The following CEP170B variants were observed in gnomAD, a reference collection of about 807,000 sequenced individuals.
The protein encoded by CEP170B is centrosomal protein of 170 kDa protein B.
A neutral mutation model predicts 120.6 loss-of-function variants in CEP170B; 55 were observed. The observed-to-expected ratio is 0.46, with a 90% CI of 0.37 to 0.57. The LOEUF is 0.57. Among genes scored for constraint, CEP170B ranks in the 20% least tolerant of loss-of-function variants. The probability of loss-of-function intolerance (pLI) is 0.00; values close to 1 mark genes in which losing one functional copy is unlikely to be tolerated. For synonymous variants in CEP170B, 1,033 were observed against 954.5 expected, an observed-to-expected ratio of 1.08 and a Z score of -1.52; for missense variants, 2,212 against 2,253.3, an observed-to-expected ratio of 0.98 and a Z score of 0.37.
intron 9 of CEP170B, among the ~76,000 whole-genome samples, chr14:104,885,049 C>CGG (rs565980190): frequency 1.5e-4 from 3 of 19,882 alleles, no homozygotes; most frequent in African/African-American, 7.0e-4. Context: ...TCGTGGGGAA[C>CGG]GGGGGGTGGA....
rs796943744 is a variant in CEP170B at position 104,891,023 on chromosome 14, G to GTGGA, written c.3878+1288_3878+1291dup. Among the ~76,000 whole-genome samples the GTGGA allele has an allele frequency of 1.1e-4, 13 of 118,306 alleles. No homozygotes were observed. Among genetic ancestry groups the GTGGA allele is most frequent in the Non-Finnish European group, 1.9e-4 (10 of 52,160 alleles). 77.6% of individuals were successfully genotyped at this position (118,306 alleles called of 152,430 possible). A position where few individuals can be genotyped will look rare whatever the true frequency, so the allele number is the denominator to read the frequency against. The stretch of plus-strand genomic sequence containing the variant: ...TGTGGATGGATGGATGAGTGGGTGG[G>GTGGA]TGGATGGATGGATGGATGGATGGAT... On this transcript the variant is annotated intron_variant, in intron 13 of 18. Transcript: ENST00000414716. The surrounding 1 kb of genome is among the most constrained non-coding windows in gnomAD (Gnocchi z 4.3).
At position 104,884,058 on chromosome 14, in the gene CEP170B, T is replaced by C; in HGVS notation, c.1279T>C (p.Ser427Pro). 2 of 1,608,508 alleles carry C rather than the reference T, an allele frequency of 1.2e-6. No individual in the cohort carries two copies. Among genetic ancestry groups the C allele is most frequent in the Non-Finnish European group, 1.7e-6 (2 of 1,177,728 alleles). ...CTCCCAGTCCTTCACGCACAGCCCG[T>C]CCGGGGACCCCAAGGCCGACAAGCG... The part of the protein sequence containing the change: ...KRSQSFTHSP[S>P]GDPKADKRRG... The change falls in exon 9 of 19, where the codon TCC becomes CCC. Residue 427 changes from serine to proline, a missense_variant. Physicochemically the swap from Ser to Pro is moderately conservative, Grantham distance 74. Around this residue, in one of 2 missense-constraint regions of CEP170B, gnomAD observed 2,166 missense variants for 2,166.7 expected, o/e 1.00. Coordinates refer to ENST00000414716, the MANE Select transcript of CEP170B (RefSeq NM_001112726.3).
rs534195187 is a variant in CEP170B at position 104,891,593 on chromosome 14, G to A, written c.3879-1383G>A. Reference sequence around the variant, plus strand: ...GTATTGGGGGAGCATAGGGAAGAAGGCTGCCATCAGCGGAGGAGGCTAGCA... The same window carrying A: ...GTATTGGGGGAGCATAGGGAAGAAGACTGCCATCAGCGGAGGAGGCTAGCA... On this transcript the variant is annotated intron_variant, in intron 13 of 18. Transcript: ENST00000414716. This position sits in a 1 kb window ranked among gnomAD's most constrained non-coding sequence, Gnocchi z 4.3. Among the ~76,000 whole-genome samples the A allele has an allele frequency of 6.6e-6, 1 of 152,188 alleles. No homozygotes were observed. The highest frequency in any genetic ancestry group is 1.5e-5 in the Non-Finnish European group (1 of 67,980).
intron 12 of CEP170B, among the ~76,000 whole-genome samples, chr14:104,888,442 G>C (rs1017695522): frequency 6.6e-6 from 1 of 152,232 alleles, no homozygotes; most frequent in African/African-American, 2.4e-5. Flanking sequence ...GCCCTCCGCT[G>C]GTAGCTGCTC....
chr14:104,886,238 C>T (rs1199208074), intron 11 of CEP170B, 37 bp from the exon 12 acceptor site: 3 of 1,482,604 alleles, frequency 2.0e-6, no homozygotes, highest in East Asian at 2.4e-5. Flanking sequence ...GCCTGCAGAC[C>T]AGCGGCCCTC....
At position 104,894,789 on chromosome 14, in the gene CEP170B, C is replaced by T. The variant is rs767142336; in HGVS notation, c.4496C>T (p.Pro1499Leu). 37 of 1,607,240 alleles carry T rather than the reference C, an allele frequency of 2.3e-5. No homozygotes were observed. Among genetic ancestry groups the T allele is most frequent in the African/African-American group, 5.3e-5 (4 of 74,904 alleles). The part of the protein sequence containing the change: ...GNRSLASSAQ[P>L]GLGKGRVAAQ... ...AGGAGCTTGGCCAGCTCTGCACAGC[C>T]GGGGCTGGGGAAGGGCCGCGTGGCT... The change falls in exon 19 of 19, where the codon CCG (proline) becomes CTG (leucine). Residue 1499 changes from proline (P) to leucine (L), a missense_variant. Around this residue, in one of 2 missense-constraint regions of CEP170B, gnomAD observed 2,166 missense variants for 2,166.7 expected, o/e 1.00. Coordinates refer to ENST00000414716, the MANE Select transcript of CEP170B (RefSeq NM_001112726.3).
At position 104,894,694 on chromosome 14, in the gene CEP170B, T is replaced by C; in HGVS notation, c.4418-17T>C. On this transcript the variant is annotated splice_polypyrimidine_tract_variant and intron_variant, in intron 18 of 18. Coordinates refer to ENST00000414716, the MANE Select transcript of CEP170B (RefSeq NM_001112726.3). ...GTGAACTGGATCCGCAGCCTGACCC[T>C]CCCTCCCCACCTCCAGTTATCAATG... 1 of 1,566,748 alleles carries C rather than the reference T, an allele frequency of 6.4e-7. No homozygotes were observed. The highest frequency in any genetic ancestry group is 1.8e-5 in the Admixed American group (1 of 55,466).
chr14:104,878,554 C>T, intron 5 of CEP170B, 53 bp downstream of exon 5: 3 of 1,567,938 alleles, frequency 1.9e-6, no homozygotes, highest in Non-Finnish European at 1.7e-6. Context: ...AGCCCCCCAT[C>T]CTCCCCACCA....
At position 104,893,517 on chromosome 14, in the gene CEP170B, T is replaced by C. The variant is rs1449070481; in HGVS notation, c.4039-6T>C. The C allele has an allele frequency of 6.2e-7, 1 of 1,601,272 alleles. No individual in the cohort carries two copies. Among genetic ancestry groups the C allele is most frequent in the Admixed American group, 1.7e-5 (1 of 58,818 alleles). Reference sequence around the variant, plus strand: ...GGGCCCACGGTGCCGGCCCTCCCTCTTGCAGCTGGTGCAGCGCATCCCCGA... The same window carrying C: ...GGGCCCACGGTGCCGGCCCTCCCTCCTGCAGCTGGTGCAGCGCATCCCCGA... On this transcript the variant is annotated splice_polypyrimidine_tract_variant and splice_region_variant and intron_variant, in intron 14 of 18. Transcript: ENST00000414716.
chr14:104,874,364 G>A (rs1250282679), intron 2 of CEP170B, among the ~76,000 whole-genome samples: 1 of 152,176 alleles, frequency 6.6e-6, no homozygotes, highest in Non-Finnish European at 1.5e-5. Flanking sequence ...CTGGAGGTGG[G>A]TGGTGGCTAT....
intron 2 of CEP170B, among the ~76,000 whole-genome samples, chr14:104,875,283 G>A (rs1263670948): frequency 6.6e-6 from 1 of 152,238 alleles, no homozygotes; most frequent in Non-Finnish European, 1.5e-5. Context: ...TGCTGCCTGT[G>A]GAAGCTGGCC....
In CEP170B at chr14:104,867,859, C is replaced by CAT. The variant is rs1895274256; in HGVS notation, c.-27-565_-27-564insAT. Among the ~76,000 whole-genome samples, 1 of 149,266 alleles carries CAT rather than the reference C, an allele frequency of 6.7e-6. No individual in the cohort carries two copies. Among genetic ancestry groups the CAT allele is most frequent in the African/African-American group, 2.5e-5 (1 of 40,504 alleles). The stretch of plus-strand genomic sequence containing the variant: ...CCTCCTCTCGGTGGTGGACATATTG[C>CAT]TGACTCAGGGCCCCTGTCTCCAGCT... On this transcript the variant is annotated intron_variant, in intron 1 of 18. Coordinates refer to ENST00000414716, the MANE Select transcript of CEP170B (RefSeq NM_001112726.3). This position sits in a 1 kb window ranked among gnomAD's most constrained non-coding sequence, Gnocchi z 5.4.
chr14:104,872,661 G>T (rs192632453), intron 2 of CEP170B, among the ~76,000 whole-genome samples: 160 of 152,248 alleles, frequency 1.1e-3, no homozygotes, highest in African/African-American at 3.6e-3. Context: ...AGAGACCACA[G>T]CCTGGGCAGG....
At position 104,895,148 on chromosome 14, in the gene CEP170B, C is replaced by T; in HGVS notation, c.*190C>T. 1 of 621,720 alleles carries T rather than the reference C, an allele frequency of 1.6e-6. No homozygotes were observed. The highest frequency in any genetic ancestry group is 2.7e-6 in the Non-Finnish European group (1 of 376,452). The allele number at this position is 621,720 out of a possible 1,614,324, so 38.5% of individuals were successfully genotyped here. A position where few individuals can be genotyped will look rare whatever the true frequency, so the allele number is the denominator to read the frequency against. On this transcript the variant is annotated 3_prime_UTR_variant, in exon 19 of 19. Coordinates refer to ENST00000414716, the MANE Select transcript of CEP170B (RefSeq NM_001112726.3). ...CAGCCAGCACCCTACTCACCCTGTCCAGCCCCATGGCCACCCCCACCCCTG... is the reference window on the plus strand; with the variant it reads ...CAGCCAGCACCCTACTCACCCTGTCTAGCCCCATGGCCACCCCCACCCCTG...
In CEP170B at chr14:104,870,807, G is replaced by A. The variant is rs1239799766; in HGVS notation, c.105+2252G>A. 6.6e-6 allele frequency among the ~76,000 whole-genome samples: 1 copy of A among 152,062 alleles called. No individual in the cohort carries two copies. Among genetic ancestry groups the A allele is most frequent in the Admixed American group, 6.5e-5 (1 of 15,270 alleles). On this transcript the variant is annotated intron_variant, in intron 2 of 18. Coordinates refer to ENST00000414716, the MANE Select transcript of CEP170B (RefSeq NM_001112726.3). The surrounding 1 kb of genome is among the most constrained non-coding windows in gnomAD (Gnocchi z 4.1). ...CTGCATTTCTACCCCTCGCTGTTGT[G>A]GGTGGTGTCACCATTGTAAGATGTA...
At position 104,886,984 on chromosome 14, in the gene CEP170B, G is replaced by A. The variant is rs371091662; in HGVS notation, c.2745G>A (p.Lys915=). ...FHSQDTHLIL[K]ETETALAALE... is the part of the protein sequence containing the mutation. ...CCCAGGACACCCACCTGATCTTGAA[G>A]GAGACGGAGACGGCCCTGGCGGCCC... The change falls in exon 12 of 19, where the codon AAG becomes AAA. Residue 915 remains lysine (K), a synonymous_variant. Coordinates refer to ENST00000414716, the MANE Select transcript of CEP170B (RefSeq NM_001112726.3). The A allele has an allele frequency of 2.5e-5, 40 of 1,609,072 alleles. No individual in the cohort carries two copies. The highest frequency in any genetic ancestry group is 3.3e-5 in the Non-Finnish European group (39 of 1,179,832).
At chr14:104,882,907 TGAG>T in intron 7 of CEP170B, 75 bp downstream of exon 7, 2 of 1,496,874 alleles carry the variant, frequency 1.3e-6, no homozygotes, top group Non-Finnish European at 1.8e-6. Context: ...GGCCTGGGCT[TGAG>T]GAGCCCACTC....
In CEP170B at chr14:104,886,389, G is replaced by A. The variant is rs898905234; in HGVS notation, c.2150G>A (p.Ser717Asn). The A allele has an allele frequency of 1.9e-6, 3 of 1,582,568 alleles. No individual in the cohort carries two copies. In the African/African-American group the frequency reaches 4.0e-5, roughly 21 times the overall value. Residue 717 changes from serine to asparagine, a missense_variant, in exon 12 of 19, where the codon AGC (serine) becomes AAC (asparagine). Transcript: ENST00000414716. ...ERADSPAGPE[S>N]SRRSGPGPPE... Reference sequence around the variant, plus strand: ...GCTGACAGCCCTGCGGGCCCAGAGAGCAGCAGGAGGAGTGGGCCTGGGCCA... The same window carrying A: ...GCTGACAGCCCTGCGGGCCCAGAGAACAGCAGGAGGAGTGGGCCTGGGCCA...
Position 104,895,139 on chromosome 14 carries a change from C to T in CEP170B, c.*181C>T. The T allele has an allele frequency of 1.5e-6, 1 of 670,204 alleles. No individual in the cohort carries two copies. Among genetic ancestry groups the T allele is most frequent in the Non-Finnish European group, 2.4e-6 (1 of 412,326 alleles). 41.5% of individuals were successfully genotyped at this position (670,204 alleles called of 1,614,324 possible). A position where few individuals can be genotyped will look rare whatever the true frequency, so the allele number is the denominator to read the frequency against. On this transcript the variant is annotated 3_prime_UTR_variant, in exon 19 of 19. Coordinates refer to ENST00000414716, the MANE Select transcript of CEP170B (RefSeq NM_001112726.3). Reference sequence around the variant, plus strand: ...GTCAGCTCCCAGCCAGCACCCTACTCACCCTGTCCAGCCCCATGGCCACCC... The same window carrying T: ...GTCAGCTCCCAGCCAGCACCCTACTTACCCTGTCCAGCCCCATGGCCACCC...
Sources: gnomAD v4.1 joint callset for allele counts (sites outside exome capture counted in the v4.1 genomes callset) on GRCh38, gnomAD v4.1.1 for gene constraint, gnomAD v4.1.1 regional missense constraint, Gnocchi (gnomAD v3.1) non-coding constraint, MANE v1.5 for transcripts, NCBI Gene and HGNC (gene_info 2026-07-23, HGNC 2026-07-21) for gene names.